The following TMPRSS12 variants were observed in gnomAD, a reference collection of about 807,000 sequenced individuals.
TMPRSS12 encodes transmembrane protease serine 12.
A neutral mutation model predicts 26.0 loss-of-function variants in TMPRSS12; 25 were observed. The observed-to-expected ratio is 0.96, with a 90% CI of 0.70 to 1.34. The LOEUF (loss-of-function observed/expected upper bound fraction) is 1.34. Ranked by LOEUF, TMPRSS12 falls within the 40% of genes most tolerant of loss-of-function variation. TMPRSS12 has a pLI of 0.00. For missense variants in TMPRSS12, 441 were observed against 440.1 expected, an observed-to-expected ratio of 1.00 and a Z score of -0.02; for synonymous variants, 150 against 161.7, an observed-to-expected ratio of 0.93 and a Z score of 0.55.
chr12:50,859,591 C>T (rs1165545500), intron 3 of TMPRSS12, among the ~76,000 whole-genome samples: 1 of 152,168 alleles, frequency 6.6e-6, no homozygotes, highest in African/African-American at 2.4e-5. Flanking sequence ...CTCCTGGCCT[C>T]CTGTGATCCA....
chr12:50,872,863 A>ACGTATATATGTACATATGACGT (rs1555206498), intron 3 of TMPRSS12, among the ~76,000 whole-genome samples: 1 of 39,600 alleles, frequency 2.5e-5, no homozygotes. Flanking sequence ...CATATATATG[A>ACGTATATATGTACATATGACGT]CTATATATGT....
At chr12:50,854,690 T>C (rs1432118151) in intron 2 of TMPRSS12, among the ~76,000 whole-genome samples, 1 of 152,070 alleles carries the variant, frequency 6.6e-6, no homozygotes, top group Non-Finnish European at 1.5e-5. Flanking sequence ...GACAGTCAAA[T>C]CAAGAATGCA....
chr12:50,844,531 G>A (rs1030788576), intron 2 of TMPRSS12, among the ~76,000 whole-genome samples: 3 of 151,960 alleles, frequency 2.0e-5, no homozygotes, highest in Non-Finnish European at 4.4e-5. Flanking sequence ...CTGCCATCAT[G>A]TCCAGCTAAT....
rs531239631 is a variant in TMPRSS12, at chr12:50,869,384, A to G, written c.652+10331A>G. 1.3e-3 allele frequency among the ~76,000 whole-genome samples: 197 copies of G among 152,202 alleles called. 1 individual carries two copies. Among genetic ancestry groups the G allele is most frequent in the Non-Finnish European group, 1.8e-3 (124 of 68,030 alleles). On this transcript the variant is annotated intron_variant, in intron 3 of 4. Transcript: ENST00000398458. ...CTACTATGAACACCTTTATGCACATAAACTAGAAAATCTAGAAGGAGTGGA... is the reference window on the plus strand; with the variant it reads ...CTACTATGAACACCTTTATGCACATGAACTAGAAAATCTAGAAGGAGTGGA...
chr12:50,886,305 G>A (rs192149729), intron 4 of TMPRSS12: 45 of 151,912 alleles, frequency 3.0e-4, no homozygotes, highest in African/African-American at 1.1e-3. Context: ...TTTTTTTAAT[G>A]AAGTACAATT....
chr12:50,883,327 C>T (rs563539288), intron 3 of TMPRSS12, among the ~76,000 whole-genome samples: 17 of 152,050 alleles, frequency 1.1e-4, no homozygotes, highest in South Asian at 4.2e-4. Flanking sequence ...CAGAGCAGGA[C>T]GCTGACTCAA....
intron 3 of TMPRSS12, among the ~76,000 whole-genome samples, chr12:50,873,182 CA>C (rs1378422987): frequency 6.6e-6 from 1 of 150,526 alleles, no homozygotes; most frequent in Non-Finnish European, 1.5e-5. Flanking sequence ...TTGGGGGACT[CA>C]GGGGAAAGGG....
intron 3 of TMPRSS12, among the ~76,000 whole-genome samples, chr12:50,884,513 A>C (rs1486589116): frequency 6.6e-6 from 1 of 152,170 alleles, no homozygotes; most frequent in African/African-American, 2.4e-5. Context: ...AAAGTTAGAC[A>C]ATAACAAGCA....
intron 3 of TMPRSS12, among the ~76,000 whole-genome samples, chr12:50,880,814 G>A (rs191652240): frequency 6.6e-6 from 1 of 151,994 alleles, no homozygotes; most frequent in Admixed American, 6.6e-5. Flanking sequence ...CAACAAAAAG[G>A]AAGAAAGCTA....
chr12:50,884,092 A>G (rs139907807), intron 3 of TMPRSS12, among the ~76,000 whole-genome samples: 6 of 152,366 alleles, frequency 3.9e-5, no homozygotes, highest in African/African-American at 1.4e-4. Context: ...TTCTGAATAA[A>G]TGCAGTAGAA....
intron 3 of TMPRSS12, among the ~76,000 whole-genome samples, chr12:50,882,025 A>ATATATATG: frequency 8.5e-6 from 1 of 117,682 alleles, no homozygotes; most frequent in Non-Finnish European, 1.7e-5. Flanking sequence ...ATATATATAT[A>ATATATATG]TATATATATA....
In TMPRSS12 at chr12:50,858,933, A is replaced by G; in HGVS notation, c.532A>G (p.Lys178Glu). 8.2e-6 allele frequency: 13 copies of G among 1,588,406 alleles called. No homozygotes were observed. Among genetic ancestry groups the G allele is most frequent in the Non-Finnish European group, 1.1e-5 (13 of 1,165,950 alleles). ...YVNDIALFHLKKAVRYNDYIQ... is the reference protein window; with the variant it reads ...YVNDIALFHLEKAVRYNDYIQ... ...AAATGATATTGCACTTTTTCACTTA[A>G]AAAAAGCAGTGAGGTATAATGACTA... Residue 178 changes from lysine to glutamate, a missense_variant, in exon 3 of 5, where the codon AAA (lysine) becomes GAA (glutamate). Transcript: ENST00000398458.
At chr12:50,845,852 C>T (rs556850933) in intron 2 of TMPRSS12, among the ~76,000 whole-genome samples, 38 of 152,184 alleles carry the variant, frequency 2.5e-4, no homozygotes, top group Non-Finnish European at 4.7e-4. Context: ...AATGGTAGCT[C>T]ATTGTGGCTT....
rs1157213806 is a variant in TMPRSS12 at position 50,852,356 on chromosome 12, A to G, written c.384-6429A>G. 1.1e-4 allele frequency among the ~76,000 whole-genome samples: 17 copies of G among 152,228 alleles called. 1 individual carries two copies. The highest frequency in any genetic ancestry group is 5.9e-5 in the Non-Finnish European group (4 of 68,040). ...TAGAGGGATGGAGCAAAATCTATCAAGTAAATGGAAAACAAAAAAGAGCAG... is the reference window on the plus strand; with the variant it reads ...TAGAGGGATGGAGCAAAATCTATCAGGTAAATGGAAAACAAAAAAGAGCAG... On this transcript the variant is annotated intron_variant, in intron 2 of 4. Transcript: ENST00000398458.
intron 3 of TMPRSS12, among the ~76,000 whole-genome samples, chr12:50,872,545 A>C (rs1938056931): frequency 8.4e-6 from 1 of 119,030 alleles, no homozygotes; most frequent in Non-Finnish European, 1.7e-5. Context: ...AAAAAAAAGG[A>C]ACTGTGAAAA....
At chr12:50,846,690 C>T (rs1030159451) in intron 2 of TMPRSS12, among the ~76,000 whole-genome samples, 20 of 152,140 alleles carry the variant, frequency 1.3e-4, no homozygotes, top group African/African-American at 1.4e-4. Context: ...GTGATCCTCC[C>T]ACCTCAGCCT....
intron 3 of TMPRSS12, among the ~76,000 whole-genome samples, chr12:50,863,601 T>C (rs1449373204): frequency 6.6e-6 from 1 of 152,202 alleles, no homozygotes; most frequent in Non-Finnish European, 1.5e-5. Context: ...TTAAAAGGTA[T>C]GAACGATTGA....
chr12:50,859,102 A>C (rs1225542214), intron 3 of TMPRSS12, 49 bp downstream of exon 3: 1 of 1,483,422 alleles, frequency 6.7e-7, no homozygotes, highest in East Asian at 2.3e-5. Context: ...GATTATGGGC[A>C]GAGGAAGGTC....
At chr12:50,857,989 C>T (rs750443059) in intron 2 of TMPRSS12, among the ~76,000 whole-genome samples, 7 of 152,030 alleles carry the variant, frequency 4.6e-5, no homozygotes, top group Non-Finnish European at 7.4e-5. Context: ...CCATCACGCC[C>T]GGCTAATTTT....
Sources: allele counts gnomAD v4.1 joint callset (sites outside exome capture counted in the v4.1 genomes callset), GRCh38; gene constraint gnomAD v4.1.1; transcripts MANE v1.5; gene names NCBI Gene and HGNC (gene_info 2026-07-23, HGNC 2026-07-21).